DMD: variants seen among roughly 807,000 people sequenced by gnomAD.
DMD encodes mutant dystrophin.
Under a neutral mutation model 330.1 loss-of-function variants are expected in DMD, and 63 were observed. That is an observed-to-expected ratio of 0.19 (90% confidence interval 0.16 to 0.24). DMD has a LOEUF of 0.24. DMD is among the 10% of genes least tolerant of loss of function. The probability of loss-of-function intolerance (pLI) is 1.00; values close to 1 mark genes in which losing one functional copy is unlikely to be tolerated. For synonymous variants in DMD, 1,223 were observed against 959.8 expected, an observed-to-expected ratio of 1.27 and a Z score of -5.07; for missense variants, 3,344 against 2,684.1, an observed-to-expected ratio of 1.25 and a Z score of -5.43.
chrX:32,807,806 G>A (rs2077068334), intron 7 of DMD, among the ~76,000 whole-genome samples: 1 of 111,425 alleles, frequency 9.0e-6, no homozygotes, highest in Admixed American at 9.5e-5. Flanking sequence ...GAGCACTAGA[G>A]GTCAAAAGCC....
At chrX:31,369,448 G>T (rs774305053) in intron 60 of DMD, among the ~76,000 whole-genome samples, 7 of 112,229 alleles carry the variant, frequency 6.2e-5, no homozygotes, top group Non-Finnish European at 1.3e-4. Context: ...GAGATGGCTT[G>T]GGGATAGAGC....
At chrX:32,654,728 A>C (rs1432443510) in intron 9 of DMD, among the ~76,000 whole-genome samples, 7 of 111,878 alleles carry the variant, frequency 6.3e-5, no homozygotes, top group Non-Finnish European at 1.1e-4. Flanking sequence ...AAGGAATGGT[A>C]CCAGCTCTTC....
At chrX:32,378,348 C>G (rs1202318751) in intron 34 of DMD, among the ~76,000 whole-genome samples, 1 of 109,037 alleles carries the variant, frequency 9.2e-6, no homozygotes, top group Non-Finnish European at 1.9e-5. Flanking sequence ...TTTATTTAGG[C>G]TTCTCAAGTT....
chrX:32,712,277 C>A (rs1003793863), intron 7 of DMD, among the ~76,000 whole-genome samples: 3 of 110,857 alleles, frequency 2.7e-5, no homozygotes, highest in African/African-American at 6.5e-5. Context: ...GCCTATAGTC[C>A]AATGGTAGAG....
At chrX:32,546,977 G>C (rs1267473902) in intron 16 of DMD, among the ~76,000 whole-genome samples, 2 of 111,799 alleles carry the variant, frequency 1.8e-5, no homozygotes, top group Non-Finnish European at 3.8e-5. Flanking sequence ...CATTTACTTT[G>C]TAATTTGAAT....
At chrX:32,246,276 C>T (rs1429289329) in intron 43 of DMD, among the ~76,000 whole-genome samples, 16 of 98,099 alleles carry the variant, frequency 1.6e-4, no homozygotes, top group East Asian at 1.6e-3. Context: ...TATTGATTTG[C>T]GTATATTGAA....
chrX:32,971,055 G>A (rs1340856493), intron 2 of DMD, among the ~76,000 whole-genome samples: 4 of 110,482 alleles, frequency 3.6e-5, no homozygotes, highest in Middle Eastern at 4.7e-3. Flanking sequence ...TCTGCCTCCC[G>A]GGTTCAAGTG....
chrX:31,778,456 A>G (rs2149261839), intron 50 of DMD, among the ~76,000 whole-genome samples: 1 of 111,512 alleles, frequency 9.0e-6, no homozygotes, highest in South Asian at 3.7e-4. Flanking sequence ...ACATTACTTA[A>G]AATATTTTAT....
intron 1 of DMD, among the ~76,000 whole-genome samples, chrX:33,021,057 T>G (rs2093905015): frequency 1.8e-5 from 2 of 111,360 alleles, no homozygotes; most frequent in South Asian, 7.6e-4. Context: ...GACAAATACG[T>G]GCATGCTTTA....
intron 47 of DMD, among the ~76,000 whole-genome samples, chrX:31,903,070 C>T (rs747866055): frequency 2.7e-5 from 3 of 110,742 alleles, no homozygotes; most frequent in South Asian, 3.8e-4. Flanking sequence ...ATAATGAGAG[C>T]GATACATGTA....
rs1018089314 is a variant in DMD at position 32,419,997 on chromosome X, A to G, written c.4072-8084T>C. Among the ~76,000 whole-genome samples the G allele has an allele frequency of 2.7e-5, 3 of 111,832 alleles. No individual in the cohort carries two copies. In the South Asian group the frequency reaches 1.1e-3, roughly 42 times the overall value. ...AGTGAAATTGGTCTTCTGCCCTGAC[A>G]GGAGCAAACTGATGCTTTATTTAAG... On this transcript the variant is annotated intron_variant, in intron 29 of 78. Coordinates refer to ENST00000357033, the MANE Select transcript of DMD (RefSeq NM_004006.3).
rs368127840 is a variant in DMD at position 33,146,616 on chromosome X, C to A, written c.31+64666G>T. Reference sequence around the variant, plus strand: ...GTAGAAGTCAGGATTCCAAGTCGGGCTTTTCAGTCTTCCTGTGTTTGCCAG... The same window carrying A: ...GTAGAAGTCAGGATTCCAAGTCGGGATTTTCAGTCTTCCTGTGTTTGCCAG... On this transcript the variant is annotated intron_variant, in intron 1 of 78. Coordinates refer to ENST00000357033, the MANE Select transcript of DMD (RefSeq NM_004006.3). Among the ~76,000 whole-genome samples the A allele has an allele frequency of 3.6e-5, 4 of 110,568 alleles. No individual in the cohort carries two copies. The East Asian group carries it at 1.2e-3, about 32-fold the overall frequency.
intron 6 of DMD, among the ~76,000 whole-genome samples, chrX:32,810,197 G>A (rs955696039): frequency 1.3e-4 from 14 of 110,844 alleles, no homozygotes; most frequent in African/African-American, 3.9e-4. Flanking sequence ...ATAAAGATGT[G>A]GGGAAAAAAG....
At chrX:33,306,000 T>C (rs1404589054) in intron 1 of DMD, among the ~76,000 whole-genome samples, 2 of 111,989 alleles carry the variant, frequency 1.8e-5, no homozygotes, top group Non-Finnish European at 3.8e-5. Flanking sequence ...TGGACTATAA[T>C]ACAAACACAT....
intron 7 of DMD, among the ~76,000 whole-genome samples, chrX:32,807,809 C>A (rs2077068605): frequency 9.0e-6 from 1 of 111,603 alleles, no homozygotes; most frequent in Non-Finnish European, 1.9e-5. Context: ...CACTAGAGGT[C>A]AAAAGCCATT....
At chrX:32,867,066 A>T (rs935934285) in intron 2 of DMD, among the ~76,000 whole-genome samples, 6 of 111,209 alleles carry the variant, frequency 5.4e-5, no homozygotes, top group African/African-American at 2.0e-4. Context: ...TACCTTTCGT[A>T]AGACTTAGTG....
intron 2 of DMD, among the ~76,000 whole-genome samples, chrX:32,866,537 G>C (rs2082493676): frequency 9.0e-6 from 1 of 110,870 alleles, no homozygotes; most frequent in South Asian, 3.8e-4. Context: ...AATTGAATAT[G>C]GGCAAAAGTC....
intron 52 of DMD, among the ~76,000 whole-genome samples, chrX:31,695,894 T>C (rs1476896819): frequency 9.0e-6 from 1 of 111,149 alleles, no homozygotes; most frequent in Non-Finnish European, 1.9e-5. Context: ...TGTCATATTG[T>C]ATATTTCCAA....
chrX:31,389,477 T>G (rs1196444082), intron 60 of DMD, among the ~76,000 whole-genome samples: 1 of 112,246 alleles, frequency 8.9e-6, no homozygotes, highest in Non-Finnish European at 1.9e-5. Context: ...AATAAGAGCT[T>G]GCTTGTGAGA....
Sources: gnomAD v4.1 joint callset for allele counts (sites outside exome capture counted in the v4.1 genomes callset) on GRCh38, gnomAD v4.1.1 for gene constraint, MANE v1.5 for transcripts, NCBI Gene and HGNC (gene_info 2026-07-23, HGNC 2026-07-21) for gene names.